Variants in FGF14 observed in about 807,000 individuals in gnomAD.
The protein encoded by FGF14 is fibroblast growth factor 14, also known as fibroblast growth factor homologous factor 4.
FGF14 carries 5 observed loss-of-function variants against 25.5 expected under a neutral mutation model. That is an observed-to-expected ratio of 0.20 (90% CI 0.10 to 0.41). FGF14 has a LOEUF of 0.41. FGF14 is among the 10% of genes least tolerant of loss of function. The probability of loss-of-function intolerance (pLI) is 1.00; values close to 1 mark genes in which losing one functional copy is unlikely to be tolerated. For synonymous variants in FGF14, 138 were observed against 118.3 expected (o/e 1.17, Z -1.08); for missense variants, 222 against 320.1 (o/e 0.69, Z 2.34).
intron 1 of FGF14, among the ~76,000 whole-genome samples, chr13:102,165,081 C>T (rs1292890310): frequency 1.3e-5 from 2 of 151,992 alleles, no homozygotes; most frequent in Non-Finnish European, 2.9e-5. Context: ...TCATCACTGG[C>T]CATCAGAGAA....
At chr13:102,224,746 T>A (rs753739329) in intron 1 of FGF14, among the ~76,000 whole-genome samples, 2 of 152,138 alleles carry the variant, frequency 1.3e-5, no homozygotes, top group Non-Finnish European at 2.9e-5. Flanking sequence ...ATATAAGACA[T>A]TATATAATTA....
At chr13:101,953,570 G>GTGTGTGTGTGTGTGTGTATATA (rs532696085) in intron 1 of FGF14, among the ~76,000 whole-genome samples, 12 of 138,140 alleles carry the variant, frequency 8.7e-5, no homozygotes, top group African/African-American at 2.5e-4. Flanking sequence ...GTGTGTGTGT[G>GTGTGTGTGTGTGTGTGTATATA]TATATATATA....
At chr13:101,789,604 A>G (rs1041256) in intron 3 of FGF14, among the ~76,000 whole-genome samples, 133,141 of 152,148 alleles carry the variant, frequency 0.88, 59,631 homozygotes, top group East Asian at 1. Flanking sequence ...AATGTAAAGC[A>G]TAAGCTGTCA....
chr13:102,382,092 T>C lies in FGF14; in HGVS notation c.208+19379A>G, dbSNP rs117440011. Reference sequence around the variant, plus strand: ...TTGGGTTAGGAGATCATTTCTTAGGTATGATACCAACTATGTAAGTGACAA... The same window carrying C: ...TTGGGTTAGGAGATCATTTCTTAGGCATGATACCAACTATGTAAGTGACAA... On this transcript the variant is annotated intron_variant, in intron 1 of 4. Coordinates refer to the FGF14 transcript ENST00000376131. Among the ~76,000 whole-genome samples, 1,455 of 152,268 alleles carry C rather than the reference T, an allele frequency of 9.6e-3. 18 individuals are homozygous for C. Among genetic ancestry groups the C allele is most frequent in the Non-Finnish European group, 0.011 (734 of 67,988 alleles).
chr13:102,100,863 G>T (rs1027466144), intron 1 of FGF14, among the ~76,000 whole-genome samples: 1 of 152,202 alleles, frequency 6.6e-6, no homozygotes, highest in Non-Finnish European at 1.5e-5. Flanking sequence ...ACTTTGGGAG[G>T]CTGAGACGGG....
chr13:102,024,535 G>A (rs554959926), intron 1 of FGF14, among the ~76,000 whole-genome samples: 9 of 152,000 alleles, frequency 5.9e-5, no homozygotes, highest in East Asian at 1.9e-4. Context: ...TACATGACTT[G>A]TAAATATTTC....
At chr13:102,063,594 C>A (rs1206837447) in intron 1 of FGF14, among the ~76,000 whole-genome samples, 1 of 148,604 alleles carries the variant, frequency 6.7e-6, no homozygotes, top group Non-Finnish European at 1.5e-5. Flanking sequence ...CCAGCCTGGG[C>A]AACAGAATAA....
At chr13:101,927,235 T>A (rs1594750496) in intron 1 of FGF14, among the ~76,000 whole-genome samples, 2 of 152,092 alleles carry the variant, frequency 1.3e-5, no homozygotes, top group Non-Finnish European at 2.9e-5. Flanking sequence ...ACTTGACAGG[T>A]TTTGTTTTAT....
At chr13:101,923,977 A>G (rs1025729203) in intron 1 of FGF14, among the ~76,000 whole-genome samples, 4 of 152,092 alleles carry the variant, frequency 2.6e-5, no homozygotes, top group African/African-American at 9.6e-5. Flanking sequence ...AGCCTTCAAT[A>G]CTAAAGTGAA....
intron 1 of FGF14, among the ~76,000 whole-genome samples, chr13:101,943,812 TAAA>T (rs58741547): frequency 0.11 from 14,917 of 134,122 alleles, 948 homozygotes; most frequent in East Asian, 0.18. Context: ...TGTCTCTACT[TAAA>T]AAAAAAAAAA....
At chr13:101,819,505 C>T (rs1594364741) in intron 3 of FGF14, among the ~76,000 whole-genome samples, 1 of 152,148 alleles carries the variant, frequency 6.6e-6, no homozygotes, top group Non-Finnish European at 1.5e-5. Flanking sequence ...TTATATTCTA[C>T]CTATCAGTGA....
At chr13:102,368,676 A>G (rs990363982) in intron 1 of FGF14, among the ~76,000 whole-genome samples, 2 of 152,202 alleles carry the variant, frequency 1.3e-5, no homozygotes, top group Admixed American at 1.3e-4. Flanking sequence ...CAATCCTGAC[A>G]ATAATGCCAT....
intron 1 of FGF14, among the ~76,000 whole-genome samples, chr13:101,933,083 T>C (rs1218395352): frequency 6.6e-6 from 1 of 152,250 alleles, no homozygotes; most frequent in East Asian, 1.9e-4. Flanking sequence ...AATATGAAGA[T>C]GACTGAATTA....
At chr13:102,042,841 C>A (rs964679812) in intron 1 of FGF14, among the ~76,000 whole-genome samples, 1 of 152,150 alleles carries the variant, frequency 6.6e-6, no homozygotes, top group Non-Finnish European at 1.5e-5. Flanking sequence ...ACTCTCAAAA[C>A]TATGGATAGT....
intron 1 of FGF14, among the ~76,000 whole-genome samples, chr13:101,887,100 G>A (rs2046028776): frequency 6.6e-6 from 1 of 151,916 alleles, no homozygotes; most frequent in African/African-American, 2.4e-5. Flanking sequence ...TGGTGGGAAA[G>A]TAAATTAGTA....
At chr13:102,031,932 A>G (rs978062131) in intron 1 of FGF14, among the ~76,000 whole-genome samples, 5 of 152,102 alleles carry the variant, frequency 3.3e-5, no homozygotes, top group South Asian at 2.1e-4. Flanking sequence ...TAACAACAAA[A>G]TTAACATTCA....
intron 1 of FGF14, among the ~76,000 whole-genome samples, chr13:102,023,704 T>C (rs915378812): frequency 6.6e-6 from 1 of 152,078 alleles, no homozygotes; most frequent in Non-Finnish European, 1.5e-5. Flanking sequence ...AGATGCAGCC[T>C]TTTGTCTGTC....
chr13:102,001,476 G>T (rs909267623), intron 1 of FGF14, among the ~76,000 whole-genome samples: 3 of 152,116 alleles, frequency 2.0e-5, no homozygotes, highest in Non-Finnish European at 4.4e-5. Flanking sequence ...TGGAATAAAG[G>T]GATGAGACCC....
chr13:101,776,003 T>G (rs2039080170), intron 3 of FGF14, among the ~76,000 whole-genome samples: 1 of 152,182 alleles, frequency 6.6e-6, no homozygotes, highest in South Asian at 2.1e-4. Context: ...TACACAACTT[T>G]CTGAAATTCA....
Sources: allele counts gnomAD v4.1 joint callset (sites outside exome capture counted in the v4.1 genomes callset), GRCh38; gene constraint gnomAD v4.1.1; transcripts MANE v1.5; gene names NCBI Gene and HGNC (gene_info 2026-07-23, HGNC 2026-07-21).